The following NUP93 variants were observed in gnomAD, a reference collection of about 807,000 sequenced individuals.
The protein encoded by NUP93 is nucleoporin 93.
Under a neutral mutation model 107.8 loss-of-function variants are expected in NUP93, and 55 were observed. The observed-to-expected ratio is 0.51, with a 90% CI of 0.41 to 0.64. NUP93 has a LOEUF of 0.64. Among genes scored for constraint, NUP93 ranks in the 30% least tolerant of loss-of-function variants. The pLI, the probability that NUP93 is intolerant of heterozygous loss-of-function variation, is 0.00. For missense variants in NUP93, 937 were observed against 1,044.7 expected, an observed-to-expected ratio of 0.90 and a Z score of 1.42; for synonymous variants, 390 against 397.5, an observed-to-expected ratio of 0.98 and a Z score of 0.22.
intron 3 of NUP93, among the ~76,000 whole-genome samples, chr16:56,780,229 T>C (rs1342879266): frequency 6.6e-6 from 1 of 152,238 alleles, no homozygotes; most frequent in Non-Finnish European, 1.5e-5. Flanking sequence ...CTACAACTAC[T>C]GTGACATCTG....
chr16:56,780,007 C>G (rs1962484931), intron 3 of NUP93, among the ~76,000 whole-genome samples: 1 of 152,152 alleles, frequency 6.6e-6, no homozygotes, highest in Non-Finnish European at 1.5e-5. Flanking sequence ...TTTATTTGAT[C>G]AGAAACAAAA....
Position 56,845,142 on chromosome 16 carries a change from T to TC in NUP93, c.*538dup. ...CTTAAGTCCAGATGGTCCAAGACCATCCCCCAAATCATCAGCTCTGATTGC... is the reference window on the plus strand; with the variant it reads ...CTTAAGTCCAGATGGTCCAAGACCATCCCCCCAAATCATCAGCTCTGATTGC... On this transcript the variant is annotated 3_prime_UTR_variant, in exon 22 of 22. Transcript: ENST00000308159. 1 of 188,934 alleles carries TC rather than the reference T, an allele frequency of 5.3e-6. No individual in the cohort carries two copies. The highest frequency in any genetic ancestry group is 8.8e-5 in the East Asian group (1 of 11,336). 11.7% of individuals were successfully genotyped at this position (188,934 alleles called of 1,614,324 possible).
Position 56,844,552 on chromosome 16 carries a change from C to A in NUP93, c.2403C>A (p.Tyr801Ter). Residue 801 changes from tyrosine (Y) to a stop codon, truncating the protein, a stop_gained, in exon 22 of 22, where the codon TAC (tyrosine) becomes TAA (stop). Transcript: ENST00000308159. LOFTEE classifies it high-confidence loss of function. ...TLITFAGMIP[Y>*]RTSGDTNARL... is the part of the protein sequence containing the mutation. ...TTACCTTTGCTGGAATGATACCATA[C>A]CGAACGTCTGGGGACACCAATGCGA... 6.3e-7 allele frequency: 1 copy of A among 1,577,958 alleles called. No individual in the cohort carries two copies. Among genetic ancestry groups the A allele is most frequent in the Non-Finnish European group, 8.6e-7 (1 of 1,162,440 alleles).
chr16:56,838,955 T>C lies in NUP93; in HGVS notation c.2022T>C (p.Tyr674=), dbSNP rs1388488637. ...KNMALSIAER[Y]RAQGISANKF... ...CCACCCCGTTTTTGTCTTTCAGGTA[T>C]AGGGCTCAAGGAATAAGCGCAAATA... Residue 674 remains tyrosine (Y), a synonymous_variant, in exon 19 of 22, where the codon TAT becomes TAC. Coordinates refer to ENST00000308159, the MANE Select transcript of NUP93 (RefSeq NM_014669.5). 6.2e-7 allele frequency: 1 copy of C among 1,612,194 alleles called. No homozygotes were observed. The highest frequency in any genetic ancestry group is 8.5e-7 in the Non-Finnish European group (1 of 1,178,878).
intron 5 of NUP93, among the ~76,000 whole-genome samples, chr16:56,818,185 G>C (rs2044933181): frequency 6.6e-6 from 1 of 152,212 alleles, no homozygotes; most frequent in African/African-American, 2.4e-5. Context: ...ATCAGCAGCT[G>C]TTGTCTTAGT....
Position 56,792,772 on chromosome 16 carries a change from T to A in NUP93, c.298-5704T>A, listed in dbSNP as rs557371232. Among the ~76,000 whole-genome samples, 17 of 152,346 alleles carry A rather than the reference T, an allele frequency of 1.1e-4. No homozygotes were observed. In the East Asian group the frequency reaches 1.9e-3, roughly 17 times the overall value. ...TTGTTTGTAAAGAGTAGCCTGATGATGAAAACAAATTTAAGGAAATTTTAC... is the reference window on the plus strand; with the variant it reads ...TTGTTTGTAAAGAGTAGCCTGATGAAGAAAACAAATTTAAGGAAATTTTAC... On this transcript the variant is annotated intron_variant, in intron 3 of 21. Coordinates refer to ENST00000308159, the MANE Select transcript of NUP93 (RefSeq NM_014669.5).
At chr16:56,810,733 C>T (rs189048779) in intron 5 of NUP93, among the ~76,000 whole-genome samples, 11 of 92,346 alleles carry the variant, frequency 1.2e-4, no homozygotes, top group African/African-American at 2.7e-4. Flanking sequence ...ACATTACCAG[C>T]GCCCCAGAAA....
chr16:56,784,848 C>T (rs1056767494), intron 3 of NUP93, among the ~76,000 whole-genome samples: 5 of 152,162 alleles, frequency 3.3e-5, no homozygotes, highest in African/African-American at 1.2e-4. Context: ...TTATCCTACT[C>T]ACTGAGTGCT....
At chr16:56,822,140 G>A (rs1292457747) in intron 7 of NUP93, among the ~76,000 whole-genome samples, 2 of 151,458 alleles carry the variant, frequency 1.3e-5, no homozygotes, top group African/African-American at 2.4e-5. Context: ...CTACTTGGTG[G>A]GTGGCTAGGA....
chr16:56,808,229 AAT>A (rs1242846255), intron 5 of NUP93, among the ~76,000 whole-genome samples: 2 of 61,902 alleles, frequency 3.2e-5, no homozygotes, highest in African/African-American at 7.1e-5. Flanking sequence ...AACTATATAA[AAT>A]ATATAGTTAT....
intron 5 of NUP93, among the ~76,000 whole-genome samples, chr16:56,809,784 A>T (rs1430891336): frequency 6.6e-6 from 1 of 152,202 alleles, no homozygotes. Context: ...AAATAAACAG[A>T]TGCCAAAGTC....
At chr16:56,834,664 T>A (rs1053933862) in intron 15 of NUP93, 70 bp from the exon 16 acceptor site, 17 of 1,419,280 alleles carry the variant, frequency 1.2e-5, no homozygotes, top group Non-Finnish European at 1.6e-5. Context: ...CCCTCTTTTT[T>A]CTCTGAAGAC....
intron 3 of NUP93, chr16:56,783,839 T>C: frequency 1.0e-6 from 1 of 985,422 alleles, no homozygotes; most frequent in South Asian, 4.7e-5. Flanking sequence ...GTGGAGAATA[T>C]TCCCAGAAAG....
chr16:56,751,561 G>C (rs1255697425), intron 2 of NUP93, among the ~76,000 whole-genome samples: 1 of 152,202 alleles, frequency 6.6e-6, no homozygotes, highest in Non-Finnish European at 1.5e-5. Context: ...GTTTCTGAAG[G>C]ATTGTCACAG....
rs535677508 is a variant in NUP93, at chr16:56,834,509, T to G, written c.1737+67T>G. ...GTGCATGTCCCATGCTCATTCCGTATTGCGTGTTTACTTCAATATGGTTGT... is the reference window on the plus strand; with the variant it reads ...GTGCATGTCCCATGCTCATTCCGTAGTGCGTGTTTACTTCAATATGGTTGT... On this transcript the variant is annotated intron_variant, in intron 15 of 21. Coordinates refer to ENST00000308159, the MANE Select transcript of NUP93 (RefSeq NM_014669.5). The G allele has an allele frequency of 1.7e-5, 26 of 1,525,128 alleles. No individual in the cohort carries two copies. In the South Asian group the frequency reaches 2.5e-4, roughly 15 times the overall value. 94.5% of individuals were successfully genotyped at this position (1,525,128 alleles called of 1,614,324 possible).
Position 56,829,063 on chromosome 16 carries a change from G to A in NUP93, c.881G>A (p.Arg294Gln). 3.1e-6 allele frequency: 5 copies of A among 1,613,338 alleles called. No individual in the cohort carries two copies. Among genetic ancestry groups the A allele is most frequent in the Non-Finnish European group, 4.2e-6 (5 of 1,179,780 alleles). The change falls in exon 9 of 22, where the codon CGA becomes CAA. Residue 294 changes from arginine to glutamine, a missense_variant. Coordinates refer to ENST00000308159, the MANE Select transcript of NUP93 (RefSeq NM_014669.5). ...GGVPGTYQLV[R>Q]SFLNIKLPAP... ...GTGCCTGGGACTTACCAATTGGTTCGAAGTTTCCTGAACATTAAACTGCCA... is the reference window on the plus strand; with the variant it reads ...GTGCCTGGGACTTACCAATTGGTTCAAAGTTTCCTGAACATTAAACTGCCA...
intron 5 of NUP93, among the ~76,000 whole-genome samples, chr16:56,814,282 G>A (rs1963374459): frequency 6.6e-6 from 1 of 152,120 alleles, no homozygotes; most frequent in African/African-American, 2.4e-5. Context: ...CCGGGCTCAA[G>A]CGATCCTCTC....
At chr16:56,821,457 A>C (rs1963539733) in intron 6 of NUP93, 47 bp from the exon 7 acceptor site, 4 of 1,310,394 alleles carry the variant, frequency 3.1e-6, no homozygotes, top group Non-Finnish European at 4.4e-6. Context: ...TTTAAAAAGA[A>C]GAGAAAATAG....
chr16:56,796,431 T>C (rs185587131), intron 3 of NUP93, among the ~76,000 whole-genome samples: 50 of 152,328 alleles, frequency 3.3e-4, no homozygotes, highest in Non-Finnish European at 1.5e-5. Context: ...TTTGTGTAAG[T>C]ATATTCTGTG....
Sources: allele counts gnomAD v4.1 joint callset (sites outside exome capture counted in the v4.1 genomes callset), GRCh38; gene constraint gnomAD v4.1.1; transcripts MANE v1.5; gene names NCBI Gene and HGNC (gene_info 2026-07-23, HGNC 2026-07-21).